ADGRL3: variants seen among roughly 807,000 people sequenced by gnomAD.
The protein encoded by ADGRL3 is adhesion G protein-coupled receptor L3, also known as calcium-independent alpha-latrotoxin receptor 3.
In ADGRL3, 62 loss-of-function variants were observed where a neutral mutation model predicts 153.5. The ratio of observed to expected loss-of-function variants is 0.40; its 90% CI spans 0.33 to 0.50. ADGRL3 has a LOEUF of 0.50. Among genes scored for constraint, ADGRL3 ranks in the 20% least tolerant of loss-of-function variants. The pLI is 0.47. For missense variants in ADGRL3, 1,641 were observed against 1,859.4 expected, an observed-to-expected ratio of 0.88 and a Z score of 2.16; for synonymous variants, 710 against 672.5, an observed-to-expected ratio of 1.06 and a Z score of -0.86.
chr4:61,447,588 A>T (rs1281665972), intron 2 of ADGRL3, among the ~76,000 whole-genome samples: 9 of 152,240 alleles, frequency 5.9e-5, no homozygotes, highest in African/African-American at 2.2e-4. Flanking sequence ...TTGCATAATT[A>T]TAATCAGCAT....
intron 4 of ADGRL3, among the ~76,000 whole-genome samples, chr4:61,518,465 C>T (rs58233581): frequency 3.9e-5 from 6 of 152,234 alleles, no homozygotes; most frequent in Non-Finnish European, 5.9e-5. Context: ...TTCTAAGCCC[C>T]GTTGAAGAGT....
intron 1 of ADGRL3, among the ~76,000 whole-genome samples, chr4:61,340,025 T>G (rs1207389621): frequency 6.6e-6 from 1 of 152,178 alleles, no homozygotes; most frequent in African/African-American, 2.4e-5. Context: ...CTGGCGGCTG[T>G]GTAAAGAGTG....
chr4:61,922,571 A>G (rs978545035), intron 13 of ADGRL3, among the ~76,000 whole-genome samples: 2 of 152,210 alleles, frequency 1.3e-5, no homozygotes, highest in African/African-American at 4.8e-5. Flanking sequence ...ATCATATTAC[A>G]TTTAATTAGC....
chr4:61,651,107 TA>T (rs112373120), intron 5 of ADGRL3, among the ~76,000 whole-genome samples: 60 of 152,266 alleles, frequency 3.9e-4, no homozygotes, highest in African/African-American at 1.4e-3. Context: ...CTTGGCAGTT[TA>T]AAAAGGTTCG....
intron 2 of ADGRL3, among the ~76,000 whole-genome samples, chr4:61,492,958 A>G (rs2098273718): frequency 1.3e-5 from 2 of 152,164 alleles, no homozygotes; most frequent in Admixed American, 1.3e-4. Context: ...ATTGTGAAGA[A>G]TAGTGAACTT....
intron 6 of ADGRL3, among the ~76,000 whole-genome samples, chr4:61,703,054 A>C (rs370158524): frequency 8.5e-5 from 13 of 152,190 alleles, no homozygotes; most frequent in East Asian, 7.7e-4. Context: ...TTTTGACACA[A>C]GGTATTTCTT....
intron 1 of ADGRL3, among the ~76,000 whole-genome samples, chr4:61,289,483 C>A (rs2094087550): frequency 6.6e-6 from 1 of 151,994 alleles, no homozygotes; most frequent in Admixed American, 6.6e-5. Flanking sequence ...TAGGAATATA[C>A]ATTATGGCAA....
chr4:62,021,161 C>T (rs1201445820), intron 21 of ADGRL3, among the ~76,000 whole-genome samples: 2 of 151,896 alleles, frequency 1.3e-5, no homozygotes, highest in Non-Finnish European at 2.9e-5. Flanking sequence ...CAATACACAA[C>T]AGCAATTATA....
chr4:61,360,030 G>A (rs963472269), intron 1 of ADGRL3, among the ~76,000 whole-genome samples: 2 of 151,998 alleles, frequency 1.3e-5, no homozygotes, highest in Non-Finnish European at 2.9e-5. Context: ...GCATTTCTAT[G>A]GAATAAAATG....
At chr4:61,600,964 C>T (rs187217895) in intron 5 of ADGRL3, among the ~76,000 whole-genome samples, 19 of 152,168 alleles carry the variant, frequency 1.2e-4, no homozygotes, top group Non-Finnish European at 2.1e-4. Context: ...GCAGTTTAAC[C>T]TTCAAAATCA....
At chr4:61,825,683 C>G (rs2097794004) in intron 9 of ADGRL3, among the ~76,000 whole-genome samples, 1 of 152,100 alleles carries the variant, frequency 6.6e-6, no homozygotes, top group Admixed American at 6.5e-5. Context: ...CAGTATTCAA[C>G]AAATATTTTT....
chr4:62,004,081 A>G (rs2099149579), intron 21 of ADGRL3, among the ~76,000 whole-genome samples: 1 of 152,138 alleles, frequency 6.6e-6, no homozygotes, highest in Admixed American at 6.6e-5. Context: ...AATTACATTC[A>G]GCTTGATGAG....
intron 8 of ADGRL3, among the ~76,000 whole-genome samples, chr4:61,741,016 G>A (rs1425111777): frequency 6.6e-6 from 1 of 152,202 alleles, no homozygotes; most frequent in Admixed American, 6.5e-5. Context: ...AAAAGCTGTG[G>A]CTGTGTAGTG....
chr4:61,842,023 A>G (rs531852303), intron 9 of ADGRL3, among the ~76,000 whole-genome samples: 2 of 152,362 alleles, frequency 1.3e-5, no homozygotes, highest in East Asian at 1.9e-4. Context: ...GGAAAATTAT[A>G]TGAAATGGCA....
chr4:61,914,825 G>T (rs1324689013), intron 13 of ADGRL3, among the ~76,000 whole-genome samples: 1 of 152,010 alleles, frequency 6.6e-6, no homozygotes, highest in African/African-American at 2.4e-5. Context: ...GGAGAAAAAG[G>T]CAGGGTAAAG....
chr4:61,377,490 C>CA lies in ADGRL3; in HGVS notation c.-239-5628dup, dbSNP rs535839946. ...CCTTTATGGATCTGTTGAGTATTAC[C>CA]AAAAAATCAATTATATGTTTTTCAA... is the stretch of plus-strand genomic sequence containing the variant. On this transcript the variant is annotated intron_variant, in intron 1 of 26. Transcript: ENST00000683033. 4.6e-5 allele frequency among the ~76,000 whole-genome samples: 7 copies of CA among 151,644 alleles called. No individual in the cohort carries two copies. In the South Asian group the frequency reaches 1.2e-3, roughly 27 times the overall value.
chr4:61,893,877 C>T (rs1283540201), intron 10 of ADGRL3, among the ~76,000 whole-genome samples: 1 of 151,426 alleles, frequency 6.6e-6, no homozygotes, highest in South Asian at 2.1e-4. Flanking sequence ...CCGGCTAATT[C>T]TTTTTTGTAT....
At chr4:61,718,006 C>T (rs1451411434) in intron 6 of ADGRL3, among the ~76,000 whole-genome samples, 3 of 151,796 alleles carry the variant, frequency 2.0e-5, no homozygotes, top group Non-Finnish European at 4.4e-5. Flanking sequence ...TGCACAGCAG[C>T]CTGTGTGACA....
At chr4:61,298,509 C>T (rs965348362) in intron 1 of ADGRL3, among the ~76,000 whole-genome samples, 2 of 152,158 alleles carry the variant, frequency 1.3e-5, no homozygotes, top group African/African-American at 4.8e-5. Context: ...ACTGTAGCTA[C>T]TTTTGTTATT....
Sources: allele counts gnomAD v4.1 joint callset (sites outside exome capture counted in the v4.1 genomes callset), GRCh38; gene constraint gnomAD v4.1.1; transcripts MANE v1.5; gene names NCBI Gene and HGNC (gene_info 2026-07-23, HGNC 2026-07-21).